CNTNAP2: variants seen among roughly 807,000 people sequenced by gnomAD.
CNTNAP2 encodes contactin associated protein 2, also known as contactin-associated protein-like 2.
A neutral mutation model predicts 155.2 loss-of-function variants in CNTNAP2; 98 were observed. The ratio of observed to expected loss-of-function variants is 0.63; its 90% CI spans 0.54 to 0.75. The LOEUF (loss-of-function observed/expected upper bound fraction) is 0.75, where lower values mean the gene tolerates loss of function less well. Ranked by LOEUF, CNTNAP2 falls within the 30% of genes least tolerant of loss-of-function variation. CNTNAP2 has a pLI of 0.00. For missense variants in CNTNAP2, 1,727 were observed against 1,688.1 expected (o/e 1.02, Z -0.40); for synonymous variants, 651 against 631.2 (o/e 1.03, Z -0.47).
intron 21 of CNTNAP2, among the ~76,000 whole-genome samples, chr7:148,332,917 ACCTC>A (rs1798056795): frequency 1.3e-5 from 2 of 152,120 alleles, no homozygotes; most frequent in Non-Finnish European, 2.9e-5. Context: ...GGATCACAGA[ACCTC>A]CTATGAGCAA....
chr7:146,579,728 A>T (rs945401005), intron 1 of CNTNAP2, among the ~76,000 whole-genome samples: 1 of 152,152 alleles, frequency 6.6e-6, no homozygotes, highest in Admixed American at 6.5e-5. Flanking sequence ...CCCTCACATG[A>T]ATCTAACAAA....
chr7:146,986,354 A>G (rs752442026), intron 3 of CNTNAP2, among the ~76,000 whole-genome samples: 2 of 152,224 alleles, frequency 1.3e-5, no homozygotes, highest in Non-Finnish European at 2.9e-5. Context: ...ATGGCTGAGC[A>G]GTATTCCATC....
At chr7:147,127,580 C>A (rs1801265902) in intron 6 of CNTNAP2, among the ~76,000 whole-genome samples, 1 of 152,066 alleles carries the variant, frequency 6.6e-6, no homozygotes, top group Non-Finnish European at 1.5e-5. Context: ...TCATTTCACC[C>A]CATCAAACAT....
intron 3 of CNTNAP2, among the ~76,000 whole-genome samples, chr7:146,852,550 A>G (rs770747895): frequency 4.6e-5 from 7 of 152,218 alleles, no homozygotes; most frequent in Non-Finnish European, 7.3e-5. Flanking sequence ...TTTATTCTGC[A>G]CTAGGCACCA....
At chr7:147,986,873 TTGTG>T (rs71686634) in intron 15 of CNTNAP2, among the ~76,000 whole-genome samples, 41,528 of 147,194 alleles carry the variant, frequency 0.28, 7,560 homozygotes, top group African/African-American at 0.52. Context: ...TGTTTTTTGT[TTGTG>T]TGTGTGTGTG....
chr7:146,972,620 C>A (rs948249228), intron 3 of CNTNAP2, among the ~76,000 whole-genome samples: 4 of 152,094 alleles, frequency 2.6e-5, no homozygotes, highest in Admixed American at 6.6e-5. Flanking sequence ...ATTAACACTG[C>A]GTCTGCCTTT....
chr7:146,987,127 C>A (rs1465307631), intron 3 of CNTNAP2, among the ~76,000 whole-genome samples: 5 of 152,092 alleles, frequency 3.3e-5, no homozygotes, highest in African/African-American at 1.2e-4. Context: ...TGCTGGTGAG[C>A]AAAACCAGTG....
chr7:147,196,941 G>C (rs1331413090), intron 8 of CNTNAP2, among the ~76,000 whole-genome samples: 1 of 152,020 alleles, frequency 6.6e-6, no homozygotes, highest in Non-Finnish European at 1.5e-5. Context: ...AGGAGAATAG[G>C]GTCTGGAGGC....
chr7:147,782,021 TA>T lies in CNTNAP2; in HGVS notation c.2099-121526del, dbSNP rs11390927. Among the ~76,000 whole-genome samples the T allele has an allele frequency of 7.9e-3, 1,082 of 137,730 alleles. 1 individual carries two copies. The highest frequency in any genetic ancestry group is 0.019 in the Middle Eastern group (5 of 264). 90.4% of individuals were successfully genotyped at this position (137,730 alleles called of 152,430 possible). A position where few individuals can be genotyped will look rare whatever the true frequency, so the allele number is the denominator to read the frequency against. ...CTGGGCGACAGAGCAAGATTCCGTT[TA>T]AAAAAAAAAAAAAAAAATCCTCCAT... On this transcript the variant is annotated intron_variant, in intron 13 of 23. Transcript: ENST00000361727.
chr7:147,038,520 G>T (rs983433350), intron 3 of CNTNAP2, among the ~76,000 whole-genome samples: 3 of 152,174 alleles, frequency 2.0e-5, no homozygotes, highest in African/African-American at 7.2e-5. Context: ...TGCTTACTTT[G>T]TCTTTCTCTG....
chr7:147,302,505 T>A (rs1403497586), intron 9 of CNTNAP2, among the ~76,000 whole-genome samples: 1 of 152,220 alleles, frequency 6.6e-6, no homozygotes, highest in East Asian at 1.9e-4. Flanking sequence ...CAGCTAATGA[T>A]CACGATGCTT....
At chr7:146,130,329 G>A (rs1258252184) in intron 1 of CNTNAP2, among the ~76,000 whole-genome samples, 1 of 152,254 alleles carries the variant, frequency 6.6e-6, no homozygotes, top group Middle Eastern at 3.4e-3. Flanking sequence ...GCCAAGTGTG[G>A]TGGTGTGTGT....
chr7:146,376,263 G>A (rs551866901), intron 1 of CNTNAP2, among the ~76,000 whole-genome samples: 1 of 152,158 alleles, frequency 6.6e-6, no homozygotes, highest in East Asian at 1.9e-4. Flanking sequence ...CTTTTTTTAA[G>A]TTTAATTGCA....
At chr7:147,474,118 G>A (rs1798274334) in intron 10 of CNTNAP2, among the ~76,000 whole-genome samples, 1 of 151,090 alleles carries the variant, frequency 6.6e-6, no homozygotes, top group African/African-American at 2.4e-5. Context: ...AAAAAATAAA[G>A]TTTTGTTTTT....
intron 9 of CNTNAP2, among the ~76,000 whole-genome samples, chr7:147,315,678 A>G (rs2620445): frequency 6.6e-6 from 1 of 151,372 alleles, no homozygotes; most frequent in Non-Finnish European, 1.5e-5. Context: ...GATGGCGTTT[A>G]ACTGTGTCAG....
At chr7:148,294,994 T>C (rs1269835942) in intron 21 of CNTNAP2, among the ~76,000 whole-genome samples, 2 of 152,174 alleles carry the variant, frequency 1.3e-5, no homozygotes, top group Admixed American at 1.3e-4. Context: ...TCACCATTTG[T>C]CTAAGGTCTT....
intron 21 of CNTNAP2, among the ~76,000 whole-genome samples, chr7:148,302,615 C>T (rs1369502082): frequency 3.3e-5 from 5 of 152,130 alleles, no homozygotes; most frequent in South Asian, 2.1e-4. Flanking sequence ...GTTTGCCCCG[C>T]GCTGTTCTCA....
intron 10 of CNTNAP2, among the ~76,000 whole-genome samples, chr7:147,412,531 T>C (rs920373635): frequency 6.6e-6 from 1 of 152,198 alleles, no homozygotes. Context: ...TTCTAGACTT[T>C]GAGCTTCCCA....
chr7:147,552,752 A>G (rs1799876645), intron 11 of CNTNAP2, among the ~76,000 whole-genome samples: 1 of 152,194 alleles, frequency 6.6e-6, no homozygotes, highest in Admixed American at 6.6e-5. Flanking sequence ...AATTCAGCAC[A>G]ATGTTTAAAC....
Sources: allele counts gnomAD v4.1 joint callset (sites outside exome capture counted in the v4.1 genomes callset), GRCh38; gene constraint gnomAD v4.1.1; transcripts MANE v1.5; gene names NCBI Gene and HGNC (gene_info 2026-07-23, HGNC 2026-07-21).